Variants in PAPSS2 observed in about 807,000 individuals in gnomAD.
The protein encoded by PAPSS2 is 3'-phosphoadenosine 5'-phosphosulfate synthase 2, also known as bifunctional 3'-phosphoadenosine 5'-phosphosulfate synthase 2.
PAPSS2 carries 61 observed loss-of-function variants against 66.5 expected under a neutral mutation model. The observed-to-expected ratio is 0.92, with a 90% CI of 0.75 to 1.14. The LOEUF is 1.14. PAPSS2 is among the 50% of genes most tolerant of loss of function. The pLI is 0.00. For missense variants in PAPSS2, 708 were observed against 789.6 expected, an observed-to-expected ratio of 0.90 and a Z score of 1.24; for synonymous variants, 289 against 287.5, an observed-to-expected ratio of 1.01 and a Z score of -0.05.
chr10:87,662,638 A>T (rs1459112864), intron 1 of PAPSS2, among the ~76,000 whole-genome samples: 4 of 140,546 alleles, frequency 2.8e-5, no homozygotes, highest in African/African-American at 1.1e-4. Context: ...GAAAGAAGGG[A>T]AGGCAAAGGC....
chr10:87,673,121 T>A (rs1852900285), intron 1 of PAPSS2, among the ~76,000 whole-genome samples: 1 of 152,240 alleles, frequency 6.6e-6, no homozygotes, highest in Non-Finnish European at 1.5e-5. Context: ...CCTGTCAGCG[T>A]GTAACTCTAT....
At position 87,669,721 on chromosome 10, in the gene PAPSS2, T is replaced by C. The variant is rs546980729; in HGVS notation, c.27+9713T>C. On this transcript the variant is annotated intron_variant, in intron 1 of 12. Transcript: ENST00000456849. ...GAGCACTGACCTGTAGGTTAACTCA[T>C]TGACTCTTCACCATCTCGCGAAGCA... Among the ~76,000 whole-genome samples the C allele has an allele frequency of 3.9e-5, 6 of 152,358 alleles. No individual in the cohort carries two copies. In the South Asian group the frequency reaches 1.0e-3, roughly 26 times the overall value.
At chr10:87,680,550 T>A (rs989098992) in intron 1 of PAPSS2, among the ~76,000 whole-genome samples, 1 of 152,198 alleles carries the variant, frequency 6.6e-6, no homozygotes, top group Non-Finnish European at 1.5e-5. Flanking sequence ...TCAGTCACTT[T>A]GAATGCTCCC....
intron 8 of PAPSS2, among the ~76,000 whole-genome samples, chr10:87,723,542 G>A (rs951279180): frequency 1.3e-5 from 2 of 152,182 alleles, no homozygotes; most frequent in African/African-American, 4.8e-5. Flanking sequence ...GCCCGAGAAC[G>A]TTGAAACAAA....
rs374549399 is a variant in PAPSS2, at chr10:87,713,256, G to C, written c.327G>C (p.Leu109=). ...NIRRIAEVAK[L]FADAGLVCIT... ...GCCGGATTGCTGAGGTGGCTAAGCT[G>C]TTTGCTGATGCTGGTCTGGTCTGCA... Residue 109 remains leucine, a synonymous_variant, in exon 3 of 13, where the codon CTG becomes CTC. Transcript: ENST00000456849. 6.6e-7 allele frequency: 1 copy of C among 1,506,554 alleles called. No individual in the cohort carries two copies. The highest frequency in any genetic ancestry group is 1.5e-5 in the African/African-American group (1 of 66,616). 93.3% of individuals were successfully genotyped at this position (1,506,554 alleles called of 1,614,324 possible).
At chr10:87,679,481 C>T (rs1412489662) in intron 1 of PAPSS2, among the ~76,000 whole-genome samples, 2 of 152,210 alleles carry the variant, frequency 1.3e-5, no homozygotes, top group East Asian at 3.8e-4. Context: ...AAGTGATAGA[C>T]TCTTCAAATA....
chr10:87,663,580 G>T (rs1036312674), intron 1 of PAPSS2, among the ~76,000 whole-genome samples: 2 of 152,102 alleles, frequency 1.3e-5, no homozygotes, highest in Non-Finnish European at 2.9e-5. Flanking sequence ...TGTCTTCAGG[G>T]GAGGAGAAAT....
Position 87,676,872 on chromosome 10 carries a change from C to CAA in PAPSS2, c.27+16902_27+16903dup, listed in dbSNP as rs71019493. Among the ~76,000 whole-genome samples, 10 of 31,368 alleles carry CAA rather than the reference C, an allele frequency of 3.2e-4. 2 individuals are homozygous for CAA. The highest frequency in any genetic ancestry group is 4.4e-4 in the African/African-American group (4 of 9,188). 20.6% of individuals were successfully genotyped at this position (31,368 alleles called of 152,430 possible). A position where few individuals can be genotyped will look rare whatever the true frequency, so the allele number is the denominator to read the frequency against. ...TGGATGACAGAATGAGACCCTGTCT[C>CAA]AAAAAAAAAAAAAAAAAAAAAAAAA... On this transcript the variant is annotated intron_variant, in intron 1 of 12. Transcript: ENST00000456849.
chr10:87,706,593 CAAAA>C (rs5786789), intron 1 of PAPSS2, among the ~76,000 whole-genome samples: 1 of 77,682 alleles, frequency 1.3e-5, no homozygotes. Flanking sequence ...CCTATCTGTA[CAAAA>C]AAAAAAAAAA....
In PAPSS2 at chr10:87,747,262, G is replaced by A. The variant is rs1164828634; in HGVS notation, c.*1292G>A. On this transcript the variant is annotated 3_prime_UTR_variant, in exon 13 of 13. Transcript: ENST00000456849. The stretch of plus-strand genomic sequence containing the variant: ...ATGGCTTTACTTCCTGAGAGGCAAT[G>A]TTTTTACTTTATGCATAATTCATTG... 1.3e-5 allele frequency: 2 copies of A among 151,882 alleles called. No homozygotes were observed. The highest frequency in any genetic ancestry group is 3.9e-4 in the East Asian group (2 of 5,190). The allele number at this position is 151,882 out of a possible 1,614,324, so 9.4% of individuals were successfully genotyped here. A position where few individuals can be genotyped will look rare whatever the true frequency, so the allele number is the denominator to read the frequency against.
intron 2 of PAPSS2, among the ~76,000 whole-genome samples, chr10:87,712,631 G>GT (rs1166384515): frequency 6.6e-6 from 1 of 151,798 alleles, no homozygotes; most frequent in Non-Finnish European, 1.5e-5. Context: ...AATTTTTTTT[G>GT]TTTTTTGTAG....
chr10:87,744,050 CGAG>C (rs1323120267), intron 11 of PAPSS2, among the ~76,000 whole-genome samples: 4 of 151,764 alleles, frequency 2.6e-5, no homozygotes, highest in Admixed American at 1.3e-4. Flanking sequence ...TGCAGTGAGC[CGAG>C]ATCATGCCAC....
At chr10:87,731,951 A>G (rs4933461) in intron 9 of PAPSS2, among the ~76,000 whole-genome samples, 79,606 of 152,064 alleles carry the variant, frequency 0.52, 22,155 homozygotes, top group East Asian at 0.75. Context: ...AAGCAGTGGC[A>G]GCCTGTGAGA....
At chr10:87,677,058 G>T (rs1852958892) in intron 1 of PAPSS2, among the ~76,000 whole-genome samples, 1 of 152,020 alleles carries the variant, frequency 6.6e-6, no homozygotes, top group Non-Finnish European at 1.5e-5. Flanking sequence ...GCCGGGCATG[G>T]CAGCACACTC....
Position 87,734,655 on chromosome 10 carries a change from ATG to A in PAPSS2, c.1087-6572_1087-6571del, listed in dbSNP as rs78861321. Among the ~76,000 whole-genome samples, 604 of 93,518 alleles carry A rather than the reference ATG, an allele frequency of 6.5e-3. 1 individual carries two copies. Among genetic ancestry groups the A allele is most frequent in the African/African-American group, 0.02 (467 of 22,982 alleles). The allele number at this position is 93,518 out of a possible 152,430, so 61.4% of individuals were successfully genotyped here. ...ACTATGACTGATAGCACAGAAATGA[ATG>A]TGTGTGTATATATATATATATATAT... On this transcript the variant is annotated intron_variant, in intron 9 of 12. Coordinates refer to ENST00000456849, the MANE Select transcript of PAPSS2 (RefSeq NM_001015880.2).
At chr10:87,729,413 G>A (rs1384584005) in intron 9 of PAPSS2, among the ~76,000 whole-genome samples, 1 of 152,036 alleles carries the variant, frequency 6.6e-6, no homozygotes, top group Non-Finnish European at 1.5e-5. Context: ...TCTACGGTTA[G>A]TGATCTTTGA....
chr10:87,725,882 T>TACACACACACACACACACACAC (rs1324153679), intron 8 of PAPSS2, among the ~76,000 whole-genome samples: 2 of 58,442 alleles, frequency 3.4e-5, no homozygotes, highest in Non-Finnish European at 5.9e-5. Flanking sequence ...AATATGTGTG[T>TACACACACACACACACACACAC]ATACACACAC....
At chr10:87,730,235 A>G (rs541427788) in intron 9 of PAPSS2, among the ~76,000 whole-genome samples, 1 of 152,352 alleles carries the variant, frequency 6.6e-6, no homozygotes, top group Non-Finnish European at 1.5e-5. Context: ...CAGATTTATT[A>G]CTGCACACGG....
At chr10:87,677,869 A>T (rs1852968413) in intron 1 of PAPSS2, among the ~76,000 whole-genome samples, 2 of 152,202 alleles carry the variant, frequency 1.3e-5, no homozygotes, top group African/African-American at 4.8e-5. Flanking sequence ...GAGATTTTTA[A>T]AAATTGTGAT....
Sources: gnomAD v4.1 joint callset for allele counts (sites outside exome capture counted in the v4.1 genomes callset) on GRCh38, gnomAD v4.1.1 for gene constraint, MANE v1.5 for transcripts, NCBI Gene and HGNC (gene_info 2026-07-23, HGNC 2026-07-21) for gene names.